CCDC120: variants seen among roughly 807,000 people sequenced by gnomAD.
CCDC120 encodes the protein coiled-coil domain-containing protein 120.
Under a neutral mutation model 37.6 loss-of-function variants are expected in CCDC120, and 16 were observed. That is an observed-to-expected ratio of 0.43 (90% CI 0.29 to 0.65). CCDC120 has a LOEUF of 0.65. Among genes scored for constraint, CCDC120 ranks in the 30% least tolerant of loss-of-function variants. CCDC120 has a pLI of 0.18. For missense variants in CCDC120, 650 were observed against 657.4 expected (o/e 0.99, Z 0.12); for synonymous variants, 309 against 275.4 (o/e 1.12, Z -1.21).
At position 49,067,994 on chromosome X, in the gene CCDC120, C is replaced by T. The variant is rs1201284501; in HGVS notation, c.1880C>T (p.Ala627Val). The change falls in exon 10 of 11, where the codon GCC (alanine) becomes GTC (valine). Residue 627 changes from alanine (A) to valine (V), a missense_variant. Transcript: ENST00000603986. Reference sequence around the variant, plus strand: ...CCGCCACACCCACCCTTCCTCCATGCCCGCTGCTATGAGGTGGGCCAGGCG... The same window carrying T: ...CCGCCACACCCACCCTTCCTCCATGTCCGCTGCTATGAGGTGGGCCAGGCG... ...VGPPHPPFLH[A>V]RCYEVGQALY... 8.6e-6 allele frequency: 10 copies of T among 1,160,865 alleles called. No homozygotes were observed. Among genetic ancestry groups the T allele is most frequent in the Non-Finnish European group, 1.2e-5 (10 of 868,819 alleles).
At chrX:49,064,264 G>T in intron 5 of CCDC120, 106 bp from the exon 6 acceptor site, 1 of 902,770 alleles carries the variant, frequency 1.1e-6, no homozygotes, top group South Asian at 2.6e-5. Flanking sequence ...TCCCCGGGGT[G>T]AATAGGTCTG....
At chrX:49,058,950 C>T (rs1026563619), upstream of CCDC120, 1 of 112,577 alleles carries the variant, frequency 8.9e-6, no homozygotes, top group Non-Finnish European at 1.9e-5. Flanking sequence ...CAGTTCCTGG[C>T]CAGGTAGGCT....
upstream of CCDC120, among the ~76,000 whole-genome samples, chrX:49,055,073 C>G (rs1362677374): frequency 2.7e-5 from 3 of 112,490 alleles, no homozygotes; most frequent in Admixed American, 9.4e-5. Flanking sequence ...CCCTGCGTGG[C>G]TGATGGGGGT....
Position 49,066,208 on chromosome X carries a change from G to A in CCDC120, c.1061+363G>A, listed in dbSNP as rs782098709. Among the ~76,000 whole-genome samples, 326 of 110,809 alleles carry A rather than the reference G, an allele frequency of 2.9e-3. 4 individuals carry two copies. The highest frequency in any genetic ancestry group is 0.019 in the Middle Eastern group (4 of 216). On this transcript the variant is annotated intron_variant, in intron 9 of 10. Transcript: ENST00000603986. ...CGTGCCATTGCACTCCAGCCTGGGC[G>A]ACAAGAGCGAAACTCCGTCTCAAAA...
chrX:49,055,853 G>C (rs12851521), upstream of CCDC120, among the ~76,000 whole-genome samples: 3 of 112,095 alleles, frequency 2.7e-5, no homozygotes, highest in Non-Finnish European at 3.8e-5. Context: ...TTCTGAGAGG[G>C]AGAGTGCCCG....
At position 49,062,054 on chromosome X, in the gene CCDC120, C is replaced by G. The variant is rs2064891543; in HGVS notation, c.13C>G (p.Pro5Ala). 1 of 1,156,629 alleles carries G rather than the reference C, an allele frequency of 8.6e-7. No individual in the cohort carries two copies. Residue 5 changes from proline (P) to alanine (A), a missense_variant, in exon 2 of 11, where the codon CCA becomes GCA. Pro to Ala is a conservative substitution (Grantham distance 27). Transcript: ENST00000603986. ...GTGCTCTCACTCAATGCGAAGGGAA[C>G]CAAGGTACCAGGGCCAAGTGGGTCC... The part of the protein sequence containing the change: MRRE[P>A]RYQGQVGPDI...
chrX:49,063,742 C>A, intron 4 of CCDC120, 119 bp from the exon 5 acceptor site: 1 of 756,554 alleles, frequency 1.3e-6, no homozygotes, highest in Non-Finnish European at 1.9e-6. Flanking sequence ...GAGTATCGTG[C>A]GTGGTTGCTG....
rs1256077331 is a variant in CCDC120 at position 49,068,094 on chromosome X, T to TG, written c.1976+10dup. ...CGGCGCCCCCTGTCTCTGGCAGGTATGGGGGGTGCTTTTACTGATGGGTAG... is the reference window on the plus strand; with the variant it reads ...CGGCGCCCCCTGTCTCTGGCAGGTATGGGGGGGTGCTTTTACTGATGGGTAG... On this transcript the variant is annotated splice_donor_region_variant and intron_variant, in intron 10 of 10. Coordinates refer to ENST00000603986, the MANE Select transcript of CCDC120 (RefSeq NM_001163321.4). The TG allele has an allele frequency of 1.7e-6, 2 of 1,162,576 alleles. No individual in the cohort carries two copies. Among genetic ancestry groups the TG allele is most frequent in the South Asian group, 3.8e-5 (2 of 52,024 alleles).
upstream of CCDC120, among the ~76,000 whole-genome samples, chrX:49,054,719 C>G (rs1184987902): frequency 9.1e-6 from 1 of 110,370 alleles, no homozygotes; most frequent in Non-Finnish European, 1.9e-5. Context: ...TTTCTCTGAC[C>G]CTTGTCCTGA....
At chrX:49,065,247 C>A in intron 7 of CCDC120, 149 bp downstream of exon 7, 1 of 712,158 alleles carries the variant, frequency 1.4e-6, no homozygotes, top group South Asian at 2.6e-5. Flanking sequence ...TAGCCATGCT[C>A]CATCTTCCTA....
intron 1 of CCDC120, among the ~76,000 whole-genome samples, chrX:49,059,778 C>T (rs1180643178): frequency 9.1e-6 from 1 of 109,376 alleles, no homozygotes. Flanking sequence ...CTACTGCTCT[C>T]CCGCTGCAGC....
intron 1 of CCDC120, among the ~76,000 whole-genome samples, chrX:49,060,974 G>A (rs1360197164): frequency 9.0e-6 from 1 of 111,328 alleles, no homozygotes; most frequent in Non-Finnish European, 1.9e-5. Flanking sequence ...GCCCCATAAA[G>A]CCCTCCCAGT....
At chrX:49,055,490 A>G (rs143754407), upstream of CCDC120, among the ~76,000 whole-genome samples, 7 of 111,662 alleles carry the variant, frequency 6.3e-5, no homozygotes, top group African/African-American at 2.3e-4. Flanking sequence ...TCTCAGCAGT[A>G]AGCAATAAAA....
At chrX:49,060,427 C>CAAAAAAAAAAAAAAAAAAAAAA (rs58827125) in intron 1 of CCDC120, among the ~76,000 whole-genome samples, 12 of 42,130 alleles carry the variant, frequency 2.8e-4, no homozygotes, top group South Asian at 5.4e-3. Flanking sequence ...GCCCTATCTC[C>CAAAAAAAAAAAAAAAAAAAAAA]AAAAAAAAAA....
intron 10 of CCDC120, 49 bp from the exon 11 acceptor site, chrX:49,068,495 T>C: frequency 9.5e-7 from 1 of 1,053,808 alleles, no homozygotes. Flanking sequence ...CTTTTCTTCT[T>C]CTTGTCTTCC....
chrX:49,062,267 C>T lies in CCDC120; in HGVS notation c.96C>T (p.Asp32=), dbSNP rs1209510027. 1 of 1,209,346 alleles carries T rather than the reference C, an allele frequency of 8.3e-7. No individual in the cohort carries two copies. Among genetic ancestry groups the T allele is most frequent in the Non-Finnish European group, 1.1e-6 (1 of 894,832 alleles). The part of the protein sequence containing the change: ...TLSSHQPRPL[D]STKMEVKGQL... ...CCAGCCATCAGCCACGGCCTCTCGACAGCACCAAGATGGAAGTCAAAGGTC... is the reference window on the plus strand; with the variant it reads ...CCAGCCATCAGCCACGGCCTCTCGATAGCACCAAGATGGAAGTCAAAGGTC... The change falls in exon 3 of 11, where the codon GAC becomes GAT. Residue 32 remains aspartate (D), a synonymous_variant. Transcript: ENST00000603986.
intron 1 of CCDC120, among the ~76,000 whole-genome samples, chrX:49,060,795 A>T (rs1374028539): frequency 8.9e-6 from 1 of 111,956 alleles, no homozygotes; most frequent in Non-Finnish European, 1.9e-5. Flanking sequence ...AGGCAGGAGG[A>T]CTGCAGAGAA....
upstream of CCDC120, among the ~76,000 whole-genome samples, chrX:49,056,299 G>A (rs1557078354): frequency 9.1e-6 from 1 of 110,365 alleles, no homozygotes; most frequent in Non-Finnish European, 1.9e-5. Flanking sequence ...ATAGCAAGTG[G>A]GATTTGGAAG....
chrX:49,065,212 C>T, intron 7 of CCDC120, 114 bp downstream of exon 7: 4 of 804,076 alleles, frequency 5.0e-6, no homozygotes, highest in Non-Finnish European at 7.3e-6. Flanking sequence ...TGCCCAGCCC[C>T]TCCTGTGCTG....
Sources: gnomAD v4.1 joint callset for allele counts (sites outside exome capture counted in the v4.1 genomes callset) on GRCh38, gnomAD v4.1.1 for gene constraint, MANE v1.5 for transcripts, NCBI Gene and HGNC (gene_info 2026-07-23, HGNC 2026-07-21) for gene names.